Variants in PPP4R2 observed in about 807,000 individuals in gnomAD.
PPP4R2 encodes the protein protein phosphatase 4 regulatory subunit 2.
A neutral mutation model predicts 47.2 loss-of-function variants in PPP4R2; 13 were observed. The ratio of observed to expected loss-of-function variants is 0.28; its 90% CI spans 0.18 to 0.44. The LOEUF (loss-of-function observed/expected upper bound fraction) is 0.44. Among genes scored for constraint, PPP4R2 ranks in the 20% least tolerant of loss-of-function variants. The probability of loss-of-function intolerance (pLI) is 1.00; values close to 1 mark genes in which losing one functional copy is unlikely to be tolerated. For missense variants in PPP4R2, 421 were observed against 491.2 expected (o/e 0.86, Z 1.35); for synonymous variants, 151 against 163.3 (o/e 0.92, Z 0.57).
intron 2 of PPP4R2, among the ~76,000 whole-genome samples, chr3:73,021,254 A>G (rs1274402394): frequency 1.3e-5 from 2 of 149,234 alleles, no homozygotes; most frequent in Non-Finnish European, 3.0e-5. Flanking sequence ...TTTTTTTGTA[A>G]CAGGATCTTA....
At position 73,068,403 on chromosome 3, in the gene PPP4R2, C is replaced by A. The variant is rs1006208057; in HGVS notation, c.*2681C>A. 2 of 152,108 alleles carry A rather than the reference C, an allele frequency of 1.3e-5. No homozygotes were observed. The highest frequency in any genetic ancestry group is 4.8e-5 in the African/African-American group (2 of 41,414). The allele number at this position is 152,108 out of a possible 1,614,324, so 9.4% of individuals were successfully genotyped here. A position where few individuals can be genotyped will look rare whatever the true frequency, so the allele number is the denominator to read the frequency against. On this transcript the variant is annotated 3_prime_UTR_variant, in exon 9 of 9. Coordinates refer to ENST00000356692, the MANE Select transcript of PPP4R2 (RefSeq NM_174907.4). ...ATATATATGTATTATGTTTCTAGCA[C>A]TTTTCCCTTTTAAAAAGTGAAAATA...
chr3:73,050,045 A>G (rs1240696819), intron 3 of PPP4R2, among the ~76,000 whole-genome samples: 1 of 152,114 alleles, frequency 6.6e-6, no homozygotes, highest in Non-Finnish European at 1.5e-5. Context: ...AGTTCAAGCT[A>G]TTCTCCAGCC....
intron 4 of PPP4R2, among the ~76,000 whole-genome samples, chr3:73,060,298 C>G (rs975724870): frequency 6.6e-6 from 1 of 152,188 alleles, no homozygotes; most frequent in African/African-American, 2.4e-5. Flanking sequence ...TCAGTACTTA[C>G]TTTTCAGCTC....
At chr3:73,020,360 T>A (rs1701933349) in intron 2 of PPP4R2, among the ~76,000 whole-genome samples, 1 of 152,104 alleles carries the variant, frequency 6.6e-6, no homozygotes, top group Non-Finnish European at 1.5e-5. Flanking sequence ...GGCTTATATT[T>A]TAAAAACATT....
chr3:73,008,114 G>GCTT (rs10652411), intron 2 of PPP4R2, among the ~76,000 whole-genome samples: 57,338 of 144,036 alleles, frequency 0.4, 11,393 homozygotes, highest in African/African-American at 0.45. Flanking sequence ...GAAGCCATTG[G>GCTT]CTTGGTATAG....
chr3:72,997,807 T>C (rs1234998253), intron 1 of PPP4R2, among the ~76,000 whole-genome samples: 1 of 152,148 alleles, frequency 6.6e-6, no homozygotes, highest in Non-Finnish European at 1.5e-5. Context: ...ATAATGCTGG[T>C]GTTCCCCCGG....
intron 5 of PPP4R2, chr3:73,062,894 A>C (rs774079684): frequency 1.2e-6 from 2 of 1,611,122 alleles, no homozygotes. Context: ...TACGCAAGTC[A>C]AGTTAGTTGC....
At chr3:73,006,127 C>A (rs1701604687) in intron 2 of PPP4R2, among the ~76,000 whole-genome samples, 1 of 149,300 alleles carries the variant, frequency 6.7e-6, no homozygotes, top group Non-Finnish European at 1.5e-5. Flanking sequence ...TTGGCTTCTT[C>A]TATTCAACAT....
In PPP4R2 at chr3:73,004,813, A is replaced by G. The variant is rs181054598; in HGVS notation, c.116+6655A>G. On this transcript the variant is annotated intron_variant, in intron 2 of 8. Coordinates refer to ENST00000356692, the MANE Select transcript of PPP4R2 (RefSeq NM_174907.4). ...GCCCAATCTTTTTGCCTACCTTCCTAAAAGATTTTTTTCTTTAAAATACAG... is the reference window on the plus strand; with the variant it reads ...GCCCAATCTTTTTGCCTACCTTCCTGAAAGATTTTTTTCTTTAAAATACAG... Among the ~76,000 whole-genome samples, 18 of 152,088 alleles carry G rather than the reference A, an allele frequency of 1.2e-4. No homozygotes were observed. In the East Asian group the frequency reaches 3.5e-3, roughly 29 times the overall value.
intron 2 of PPP4R2, among the ~76,000 whole-genome samples, chr3:72,999,162 A>G (rs1253928163): frequency 6.6e-6 from 1 of 152,206 alleles, no homozygotes; most frequent in Non-Finnish European, 1.5e-5. Context: ...TTAGTATTCT[A>G]TTAAAATACA....
In PPP4R2 at chr3:73,002,050, C is replaced by G. The variant is rs74598877; in HGVS notation, c.116+3892C>G. 5.0e-3 allele frequency among the ~76,000 whole-genome samples: 757 copies of G among 152,202 alleles called. 6 individuals carry two copies. The highest frequency in any genetic ancestry group is 0.017 in the African/African-American group (725 of 41,536). The stretch of plus-strand genomic sequence containing the variant: ...GTAATCATCAGTCTTTAGACTCTTA[C>G]CTTTGTGAGATCCACTGTTGTAGCT... On this transcript the variant is annotated intron_variant, in intron 2 of 8. Coordinates refer to ENST00000356692, the MANE Select transcript of PPP4R2 (RefSeq NM_174907.4).
intron 2 of PPP4R2, among the ~76,000 whole-genome samples, chr3:73,032,812 A>G (rs1702192866): frequency 6.6e-6 from 1 of 152,192 alleles, no homozygotes; most frequent in Admixed American, 6.5e-5. Context: ...CATTCAATAT[A>G]TACGTTGTCT....
At chr3:73,015,520 G>T (rs1440973913) in intron 2 of PPP4R2, among the ~76,000 whole-genome samples, 1 of 150,722 alleles carries the variant, frequency 6.6e-6, no homozygotes, top group Non-Finnish European at 1.5e-5. Context: ...CTGTCGCCCA[G>T]GCTGGAGTGC....
intron 2 of PPP4R2, among the ~76,000 whole-genome samples, chr3:73,026,082 A>G (rs1389925763): frequency 1.3e-5 from 2 of 152,212 alleles, no homozygotes; most frequent in Non-Finnish European, 2.9e-5. Flanking sequence ...ATGCTACAAT[A>G]TAAGTATGTT....
At chr3:73,034,694 G>T (rs748605660) in intron 2 of PPP4R2, among the ~76,000 whole-genome samples, 1 of 151,938 alleles carries the variant, frequency 6.6e-6, no homozygotes, top group Non-Finnish European at 1.5e-5. Flanking sequence ...CACCATGCCT[G>T]GATAATTTTT....
intron 5 of PPP4R2, chr3:73,063,354 GGCTTAAC>G (rs1394199326): frequency 4.3e-6 from 1 of 233,552 alleles, no homozygotes; most frequent in Non-Finnish European, 8.6e-6. Flanking sequence ...CAGGTGTGGT[GGCTTAAC>G]GCCTGTAATC....
intron 2 of PPP4R2, among the ~76,000 whole-genome samples, chr3:73,006,303 A>G (rs535706197): frequency 4.7e-4 from 69 of 145,892 alleles, no homozygotes; most frequent in Admixed American, 1.2e-3. Flanking sequence ...GGTTCAAGCT[A>G]TTCTTCCGTC....
intron 2 of PPP4R2, among the ~76,000 whole-genome samples, chr3:73,005,008 C>A (rs111873676): frequency 0.024 from 3,554 of 149,406 alleles, 69 homozygotes; most frequent in Middle Eastern, 0.038. Flanking sequence ...CGGAGTCTTG[C>A]TCTGTTGCCC....
chr3:73,022,663 G>A (rs575449111), intron 2 of PPP4R2, among the ~76,000 whole-genome samples: 3 of 152,016 alleles, frequency 2.0e-5, no homozygotes, highest in African/African-American at 4.8e-5. Flanking sequence ...GTTTAAGAAC[G>A]TCAATAAATA....
Sources: allele counts gnomAD v4.1 joint callset (sites outside exome capture counted in the v4.1 genomes callset), GRCh38; gene constraint gnomAD v4.1.1; transcripts MANE v1.5; gene names NCBI Gene and HGNC (gene_info 2026-07-23, HGNC 2026-07-21).